SCHIP1: variants seen among roughly 807,000 people sequenced by gnomAD.
The protein encoded by SCHIP1 is schwannomin interacting protein 1, also known as schwannomin-interacting protein 1.
SCHIP1 carries 8 observed loss-of-function variants against 29.7 expected under a neutral mutation model. That is an observed-to-expected ratio of 0.27 (90% confidence interval 0.16 to 0.49). The LOEUF (loss-of-function observed/expected upper bound fraction) is 0.49, where lower values mean the gene tolerates loss of function less well. Ranked by LOEUF, SCHIP1 falls within the 20% of genes least tolerant of loss-of-function variation. The pLI is 0.99. For missense variants in SCHIP1, 193 were observed against 294.6 expected (o/e 0.66, Z 2.52); for synonymous variants, 76 against 94.9 (o/e 0.80, Z 1.16).
the SCHIP1 span, among the ~76,000 whole-genome samples, chr3:159,509,503 T>C: frequency 6.6e-6 from 1 of 152,218 alleles, no homozygotes; most frequent in Admixed American, 6.5e-5. Context: ...AATTTGATCC[T>C]GTCATTATGA....
chr3:159,631,051 A>G, the SCHIP1 span, among the ~76,000 whole-genome samples: 4 of 152,286 alleles, frequency 2.6e-5, no homozygotes, highest in East Asian at 5.8e-4. Flanking sequence ...AAAACATACA[A>G]AGGAGAAATA....
the SCHIP1 span, among the ~76,000 whole-genome samples, chr3:159,725,822 T>G: frequency 6.6e-6 from 1 of 152,148 alleles, no homozygotes; most frequent in African/African-American, 2.4e-5. Flanking sequence ...TATAGAAAAC[T>G]AAGGTATAAT....
chr3:159,828,385 A>ATATATATGTATATATG, the SCHIP1 span, among the ~76,000 whole-genome samples: 16 of 71,708 alleles, frequency 2.2e-4, no homozygotes, highest in South Asian at 4.7e-3. Flanking sequence ...ACATATATAT[A>ATATATATGTATATATG]TACATATATA....
chr3:159,888,810 G>T lies in SCHIP1; in HGVS notation c.466-10G>T. On this transcript the variant is annotated splice_polypyrimidine_tract_variant and intron_variant, in intron 4 of 6. Transcript: ENST00000445224. ...TTCACTCCTCCATTTCTTCTCCTTT[G>T]TATCTTCAGCTGCCACACATGCCTC... 1 of 1,613,274 alleles carries T rather than the reference G, an allele frequency of 6.2e-7. No homozygotes were observed. The highest frequency in any genetic ancestry group is 8.5e-7 in the Non-Finnish European group (1 of 1,179,692).
At chr3:159,556,235 T>C in the SCHIP1 span, among the ~76,000 whole-genome samples, 15 of 152,160 alleles carry the variant, frequency 9.9e-5, no homozygotes, top group African/African-American at 3.1e-4. Flanking sequence ...CTCACACCAG[T>C]TAGAATGGCA....
chr3:159,551,283 G>A, the SCHIP1 span, among the ~76,000 whole-genome samples: 1 of 152,150 alleles, frequency 6.6e-6, no homozygotes, highest in African/African-American at 2.4e-5. Context: ...CTGCTTTGAC[G>A]AGGTTTACTT....
At chr3:159,746,236 A>G in the SCHIP1 span, among the ~76,000 whole-genome samples, 1 of 152,182 alleles carries the variant, frequency 6.6e-6, no homozygotes, top group African/African-American at 2.4e-5. Flanking sequence ...ATCCTTCTCT[A>G]CCTCATCCTA....
the SCHIP1 span, among the ~76,000 whole-genome samples, chr3:159,490,528 A>T: frequency 1.2e-4 from 18 of 152,238 alleles, no homozygotes; most frequent in Non-Finnish European, 2.2e-4. Context: ...AACTTCATTG[A>T]GTTACCCAAG....
chr3:159,622,961 G>A, the SCHIP1 span, among the ~76,000 whole-genome samples: 2 of 152,114 alleles, frequency 1.3e-5, no homozygotes, highest in Admixed American at 6.6e-5. Context: ...AAACATATGT[G>A]CATAGATAGG....
At chr3:159,407,776 T>C in the SCHIP1 span, among the ~76,000 whole-genome samples, 8 of 152,170 alleles carry the variant, frequency 5.3e-5, no homozygotes, top group African/African-American at 1.7e-4. Context: ...AATATACTCC[T>C]GAATGACCAG....
the SCHIP1 span, among the ~76,000 whole-genome samples, chr3:159,613,713 T>G: frequency 3.3e-5 from 5 of 152,182 alleles, no homozygotes; most frequent in East Asian, 9.6e-4. Flanking sequence ...ATGGTGATCT[T>G]GGTTCAGATA....
chr3:159,376,611 C>G, the SCHIP1 span, among the ~76,000 whole-genome samples: 1 of 152,222 alleles, frequency 6.6e-6, no homozygotes, highest in Non-Finnish European at 1.5e-5. Context: ...TTACTTTGAA[C>G]CTCAGTATCA....
the SCHIP1 span, among the ~76,000 whole-genome samples, chr3:159,488,231 C>T: frequency 6.6e-6 from 1 of 150,990 alleles, no homozygotes; most frequent in Non-Finnish European, 1.5e-5. Context: ...AATGGACACA[C>T]AAAAAATAGC....
the SCHIP1 span, among the ~76,000 whole-genome samples, chr3:159,276,590 A>G: frequency 6.6e-6 from 1 of 152,206 alleles, no homozygotes; most frequent in African/African-American, 2.4e-5. Flanking sequence ...ACTTTGTATT[A>G]CATGATGGAC....
At chr3:159,575,767 T>C in the SCHIP1 span, among the ~76,000 whole-genome samples, 1 of 152,196 alleles carries the variant, frequency 6.6e-6, no homozygotes, top group Non-Finnish European at 1.5e-5. Flanking sequence ...AAATGTTTAC[T>C]TTTAAAGTCA....
the SCHIP1 span, among the ~76,000 whole-genome samples, chr3:159,728,039 G>T: frequency 6.8e-6 from 1 of 148,008 alleles, no homozygotes; most frequent in Admixed American, 6.8e-5. Context: ...TGTAATTTAA[G>T]AGTAACTTTA....
the SCHIP1 span, among the ~76,000 whole-genome samples, chr3:159,476,079 G>A: frequency 1.3e-5 from 2 of 151,960 alleles, no homozygotes; most frequent in South Asian, 2.1e-4. Flanking sequence ...CTCAGAGTTG[G>A]AAAAACTGAA....
chr3:159,747,148 T>C, the SCHIP1 span, among the ~76,000 whole-genome samples: 1 of 152,188 alleles, frequency 6.6e-6, no homozygotes, highest in East Asian at 1.9e-4. Context: ...ACTGCATGAA[T>C]AGAGAAATGG....
chr3:159,598,297 C>T, the SCHIP1 span, among the ~76,000 whole-genome samples: 1 of 152,122 alleles, frequency 6.6e-6, no homozygotes, highest in Non-Finnish European at 1.5e-5. Context: ...CCCAAAAGTC[C>T]AAGTCCAAAG....
Sources: gnomAD v4.1 joint callset for allele counts (sites outside exome capture counted in the v4.1 genomes callset) on GRCh38, gnomAD v4.1.1 for gene constraint, MANE v1.5 for transcripts, NCBI Gene and HGNC (gene_info 2026-07-23, HGNC 2026-07-21) for gene names.